The following PBX1 variants were observed in gnomAD, a reference collection of about 807,000 sequenced individuals.
PBX1 encodes the protein pre-B-cell leukemia transcription factor 1.
Under a neutral mutation model 53.4 loss-of-function variants are expected in PBX1, and 6 were observed. That is an observed-to-expected ratio of 0.11 (90% CI 0.06 to 0.22). The LOEUF is 0.22. Ranked by LOEUF, PBX1 falls within the 10% of genes least tolerant of loss-of-function variation. PBX1 has a pLI of 1.00. For missense variants in PBX1, 251 were observed against 551.4 expected (o/e 0.46, Z 5.46); for synonymous variants, 204 against 212.3 (o/e 0.96, Z 0.34).
chr1:164,728,516 A>G (rs982343380), intron 2 of PBX1, among the ~76,000 whole-genome samples: 2 of 152,206 alleles, frequency 1.3e-5, no homozygotes, highest in African/African-American at 4.8e-5. Flanking sequence ...GAAATTATTT[A>G]TTATCATTAT....
At chr1:164,788,365 A>G (rs1480963089) in intron 2 of PBX1, among the ~76,000 whole-genome samples, 2 of 150,478 alleles carry the variant, frequency 1.3e-5, no homozygotes, top group Non-Finnish European at 3.0e-5. Flanking sequence ...CACCCTTTTC[A>G]TTTATTTATT....
chr1:164,685,943 G>A (rs573307399), intron 2 of PBX1, among the ~76,000 whole-genome samples: 42 of 152,290 alleles, frequency 2.8e-4, no homozygotes, highest in African/African-American at 1.0e-3. Flanking sequence ...CTGTTCCCCC[G>A]TGGTGAGTGT....
intron 2 of PBX1, among the ~76,000 whole-genome samples, chr1:164,588,500 T>TTTTTTTTTTG (rs1553211952): frequency 7.2e-6 from 1 of 138,872 alleles, no homozygotes; most frequent in Non-Finnish European, 1.5e-5. Flanking sequence ...TTTTTTTTTT[T>TTTTTTTTTTG]AGTTTCGAAG....
At chr1:164,680,002 A>T (rs1661664165) in intron 2 of PBX1, 1 of 152,132 alleles carries the variant, frequency 6.6e-6, no homozygotes, top group South Asian at 2.1e-4. Context: ...AATATCAGTC[A>T]CGTGAATTAA....
chr1:164,559,918 G>T lies in PBX1; in HGVS notation c.96G>T (p.Gly32=). 1 of 1,545,674 alleles carries T rather than the reference G, an allele frequency of 6.5e-7. No homozygotes were observed. Among genetic ancestry groups the T allele is most frequent in the Admixed American group, 2.0e-5 (1 of 50,628 alleles). ...AGCACTTGCAGGATGGGGCCGGAGG[G>T]ACCGAGGGGGAGGGCGGGAGGAAGC... is the stretch of plus-strand genomic sequence containing the variant. ...LSQHLQDGAG[G]TEGEGGRKQD... is the part of the protein sequence containing the mutation. The change falls in exon 1 of 9, where the codon GGG becomes GGT. Residue 32 remains glycine, a synonymous_variant. Coordinates refer to ENST00000420696, the MANE Select transcript of PBX1 (RefSeq NM_002585.4).
At chr1:164,674,361 CT>C (rs1162470697) in intron 2 of PBX1, 13 of 152,144 alleles carry the variant, frequency 8.5e-5, no homozygotes, top group African/African-American at 3.1e-4. Flanking sequence ...GATTCTCTGG[CT>C]TTGGTATACA....
intron 2 of PBX1, among the ~76,000 whole-genome samples, chr1:164,650,066 G>T (rs1659695348): frequency 6.6e-6 from 1 of 152,174 alleles, no homozygotes. Flanking sequence ...CTCTGGCCAT[G>T]TGGATCTGCA....
chr1:164,763,449 G>A (rs1275424425), intron 2 of PBX1, among the ~76,000 whole-genome samples: 1 of 152,184 alleles, frequency 6.6e-6, no homozygotes, highest in African/African-American at 2.4e-5. Flanking sequence ...CCATCAGTTA[G>A]GACTTAGTAT....
At chr1:164,687,419 A>G (rs1662172281) in intron 2 of PBX1, among the ~76,000 whole-genome samples, 1 of 151,720 alleles carries the variant, frequency 6.6e-6, no homozygotes, top group African/African-American at 2.4e-5. Flanking sequence ...AAAATTAGCC[A>G]GGTGTGGTGG....
At chr1:164,574,244 G>C (rs1354993353) in intron 2 of PBX1, among the ~76,000 whole-genome samples, 4 of 152,120 alleles carry the variant, frequency 2.6e-5, no homozygotes, top group Admixed American at 6.5e-5. Context: ...GCAGTTCCTT[G>C]TTTTCTTTAG....
intron 2 of PBX1, among the ~76,000 whole-genome samples, chr1:164,661,781 G>A (rs902649240): frequency 2.6e-5 from 4 of 152,128 alleles, no homozygotes; most frequent in Non-Finnish European, 4.4e-5. Flanking sequence ...ATTAGTTAAT[G>A]TGTACATAGG....
chr1:164,707,418 TGAGA>T (rs528876002), intron 2 of PBX1, among the ~76,000 whole-genome samples: 1,569 of 118,142 alleles, frequency 0.013, 34 homozygotes, highest in South Asian at 0.056. Flanking sequence ...TGTGTGTGTG[TGAGA>T]GAGAGAGAGA....
chr1:164,832,104 TG>T (rs1361189387), intron 8 of PBX1, among the ~76,000 whole-genome samples: 1 of 152,216 alleles, frequency 6.6e-6, no homozygotes, highest in East Asian at 1.9e-4. Context: ...TTTCCTCTTT[TG>T]CCTTTTGCCG....
At chr1:164,786,939 T>G (rs2102288641) in intron 2 of PBX1, among the ~76,000 whole-genome samples, 1 of 152,280 alleles carries the variant, frequency 6.6e-6, no homozygotes, top group South Asian at 2.1e-4. Context: ...GGAACATTAC[T>G]TCATGTTTTG....
chr1:164,609,873 T>C (rs1346002757), intron 2 of PBX1, among the ~76,000 whole-genome samples: 1 of 152,132 alleles, frequency 6.6e-6, no homozygotes, highest in Non-Finnish European at 1.5e-5. Flanking sequence ...GGGGATATGG[T>C]AAAAGAAGAA....
At chr1:164,752,931 G>A (rs1031326440) in intron 2 of PBX1, among the ~76,000 whole-genome samples, 1 of 152,182 alleles carries the variant, frequency 6.6e-6, no homozygotes, top group African/African-American at 2.4e-5. Context: ...CTTTGGTGGG[G>A]AAAATGGTAA....
chr1:164,784,728 C>T (rs762949102), intron 2 of PBX1, among the ~76,000 whole-genome samples: 13 of 152,204 alleles, frequency 8.5e-5, no homozygotes, highest in Admixed American at 2.0e-4. Flanking sequence ...AAAGTCAGCA[C>T]GGTGCCTGGC....
intron 2 of PBX1, among the ~76,000 whole-genome samples, chr1:164,858,805 G>C (rs953573933): frequency 1.3e-5 from 2 of 152,158 alleles, no homozygotes; most frequent in Non-Finnish European, 2.9e-5. Flanking sequence ...GTGCTTAGAA[G>C]GGAAGTAGGC....
intron 4 of PBX1, among the ~76,000 whole-genome samples, chr1:164,800,948 CT>C (rs1669040019): frequency 2.0e-5 from 3 of 152,116 alleles, no homozygotes; most frequent in African/African-American, 7.2e-5. Flanking sequence ...TTTTTCACCC[CT>C]GAGATCATGT....
Sources: allele counts gnomAD v4.1 joint callset (sites outside exome capture counted in the v4.1 genomes callset), GRCh38; gene constraint gnomAD v4.1.1; transcripts MANE v1.5; gene names NCBI Gene and HGNC (gene_info 2026-07-23, HGNC 2026-07-21).